Variants in ITGA1 observed in about 807,000 individuals in gnomAD.
ITGA1 encodes integrin subunit alpha 1, also known as integrin alpha-1.
A neutral mutation model predicts 145.9 loss-of-function variants in ITGA1; 85 were observed. The ratio of observed to expected loss-of-function variants is 0.58; its 90% CI spans 0.49 to 0.70. The LOEUF (loss-of-function observed/expected upper bound fraction) is 0.70. Among genes scored for constraint, ITGA1 ranks in the 30% least tolerant of loss-of-function variants. The pLI, the probability that ITGA1 is intolerant of heterozygous loss-of-function variation, is 0.00. For synonymous variants in ITGA1, 520 were observed against 495.3 expected (o/e 1.05, Z -0.66); for missense variants, 1,351 against 1,418.7 (o/e 0.95, Z 0.77).
At chr5:52,802,019 C>A in intron 1 of ITGA1, 1 of 540,480 alleles carries the variant, frequency 1.9e-6, no homozygotes, top group African/African-American at 1.9e-5. Flanking sequence ...AAACAATAAA[C>A]TAAAAGGAAA....
chr5:52,944,475 G>A (rs1178851810), intron 26 of ITGA1, among the ~76,000 whole-genome samples: 1 of 152,140 alleles, frequency 6.6e-6, no homozygotes, highest in Non-Finnish European at 1.5e-5. Flanking sequence ...CTAGAGATCA[G>A]ATCTGCCCAA....
chr5:52,942,678 C>A (rs1458972240), intron 26 of ITGA1, among the ~76,000 whole-genome samples: 1 of 150,992 alleles, frequency 6.6e-6, no homozygotes, highest in Non-Finnish European at 1.5e-5. Context: ...CTACAGGCAC[C>A]CACCACCATG....
intron 1 of ITGA1, among the ~76,000 whole-genome samples, chr5:52,811,461 G>A (rs1748682451): frequency 6.6e-6 from 1 of 152,122 alleles, no homozygotes. Context: ...GGTTTAAAAA[G>A]AATCTTTTTT....
chr5:52,884,481 A>G (rs1289071598), intron 7 of ITGA1, among the ~76,000 whole-genome samples: 1 of 150,996 alleles, frequency 6.6e-6, no homozygotes, highest in Non-Finnish European at 1.5e-5. Context: ...ATCTACTTGT[A>G]TAGTATGTTA....
chr5:52,847,559 TG>T (rs1749356338), intron 1 of ITGA1, among the ~76,000 whole-genome samples: 1 of 150,782 alleles, frequency 6.6e-6, no homozygotes, highest in Non-Finnish European at 1.5e-5. Context: ...TTTGTTTGTT[TG>T]TTTGGTTTGT....
rs766166809 is a variant in ITGA1, at chr5:52,861,443, C to A, written c.183-4C>A. 1 of 1,582,670 alleles carries A rather than the reference C, an allele frequency of 6.3e-7. No homozygotes were observed. Among genetic ancestry groups the A allele is most frequent in the African/African-American group, 1.3e-5 (1 of 74,270 alleles). ...AAATGTTTACTGATTTATTTAACTTCCAGGGTGCTTATTGGTTCTCCGTTA... is the reference window on the plus strand; with the variant it reads ...AAATGTTTACTGATTTATTTAACTTACAGGGTGCTTATTGGTTCTCCGTTA... On this transcript the variant is annotated splice_region_variant and splice_polypyrimidine_tract_variant and intron_variant, in intron 2 of 28. Transcript: ENST00000282588.
intron 14 of ITGA1, among the ~76,000 whole-genome samples, chr5:52,910,986 T>C (rs1190874042): frequency 9.7e-5 from 12 of 123,970 alleles, no homozygotes; most frequent in Non-Finnish European, 9.4e-5. Context: ...ATAGTATGTA[T>C]ACTATATATA....
chr5:52,861,653 T>A, intron 3 of ITGA1, 94 bp downstream of exon 3: 1 of 751,224 alleles, frequency 1.3e-6, no homozygotes, highest in Non-Finnish European at 2.3e-6. Flanking sequence ...GGCATATCGT[T>A]TGAGCCCAGG....
intron 1 of ITGA1, among the ~76,000 whole-genome samples, chr5:52,798,150 C>T (rs1221450518): frequency 1.3e-5 from 2 of 152,236 alleles, no homozygotes; most frequent in African/African-American, 4.8e-5. Context: ...AAATCACCTT[C>T]ACACTTGAGT....
intron 7 of ITGA1, among the ~76,000 whole-genome samples, chr5:52,884,498 A>G (rs1430375678): frequency 6.6e-6 from 1 of 151,860 alleles, no homozygotes; most frequent in African/African-American, 2.4e-5. Flanking sequence ...GTTAAAAATT[A>G]TTCATGATAT....
intron 1 of ITGA1, chr5:52,800,734 A>G: frequency 6.2e-7 from 1 of 1,614,236 alleles, no homozygotes; most frequent in East Asian, 2.2e-5. Flanking sequence ...CACCCTGGCC[A>G]AGAAGCAGTG....
intron 1 of ITGA1, among the ~76,000 whole-genome samples, chr5:52,816,402 AC>A (rs1258830995): frequency 6.6e-6 from 1 of 152,182 alleles, no homozygotes; most frequent in South Asian, 2.1e-4. Context: ...ACAGGTTTAA[AC>A]CGTGAAGTTA....
rs750590654 is a variant in ITGA1 at position 52,887,799 on chromosome 5, T to C, written c.774-16T>C. The C allele has an allele frequency of 2.5e-6, 4 of 1,603,886 alleles. No individual in the cohort carries two copies. The African/African-American group carries it at 5.4e-5, about 22-fold the overall frequency. On this transcript the variant is annotated splice_polypyrimidine_tract_variant and intron_variant, in intron 7 of 28. Transcript: ENST00000282588. ...TGGTGTCTTATCAACCTCTCTTTTG[T>C]TTGTGATTACTTTAGAAAGGAGGCA...
chr5:52,811,258 T>A (rs986262390), intron 1 of ITGA1, among the ~76,000 whole-genome samples: 1 of 152,152 alleles, frequency 6.6e-6, no homozygotes, highest in Non-Finnish European at 1.5e-5. Flanking sequence ...TGCCACTAGG[T>A]TGTGTGACTT....
intron 14 of ITGA1, among the ~76,000 whole-genome samples, chr5:52,914,128 G>A (rs1750606286): frequency 6.6e-6 from 1 of 152,120 alleles, no homozygotes; most frequent in Non-Finnish European, 1.5e-5. Context: ...TCTAAATGGT[G>A]GTAAATCAAG....
chr5:52,862,174 C>T (rs1400284959), intron 3 of ITGA1, among the ~76,000 whole-genome samples: 2 of 143,446 alleles, frequency 1.4e-5, no homozygotes, highest in Non-Finnish European at 3.0e-5. Flanking sequence ...GGCAACATCA[C>T]GCCATTGCAC....
chr5:52,859,520 C>T (rs1368079564), intron 2 of ITGA1, among the ~76,000 whole-genome samples: 1 of 152,116 alleles, frequency 6.6e-6, no homozygotes, highest in Admixed American at 6.6e-5. Flanking sequence ...GTCTCAATAG[C>T]TTAATATTTA....
intron 1 of ITGA1, among the ~76,000 whole-genome samples, chr5:52,805,809 C>T (rs1007558072): frequency 6.6e-6 from 1 of 152,016 alleles, no homozygotes; most frequent in Admixed American, 6.6e-5. Context: ...ATACACTTCC[C>T]CTTTTATTCC....
chr5:52,941,090 T>C (rs2111902308), intron 26 of ITGA1, among the ~76,000 whole-genome samples: 1 of 152,316 alleles, frequency 6.6e-6, no homozygotes, highest in South Asian at 2.1e-4. Flanking sequence ...TGCATGTATG[T>C]TGCTGCAAAG....
Sources: gnomAD v4.1 joint callset for allele counts (sites outside exome capture counted in the v4.1 genomes callset) on GRCh38, gnomAD v4.1.1 for gene constraint, MANE v1.5 for transcripts, NCBI Gene and HGNC (gene_info 2026-07-23, HGNC 2026-07-21) for gene names.